The following DPYD variants were observed in gnomAD, a reference collection of about 807,000 sequenced individuals.
DPYD encodes dihydropyrimidine dehydrogenase, also known as dihydropyrimidine dehydrogenase [NADP(+)].
A neutral mutation model predicts 116.2 loss-of-function variants in DPYD; 109 were observed. The observed-to-expected ratio is 0.94, with a 90% CI of 0.80 to 1.10. The LOEUF (loss-of-function observed/expected upper bound fraction) is 1.10. Ranked by LOEUF, DPYD falls within the 50% of genes least tolerant of loss-of-function variation. The probability of loss-of-function intolerance (pLI) is 0.00; values close to 1 mark genes in which losing one functional copy is unlikely to be tolerated. For synonymous variants in DPYD, 440 were observed against 432.0 expected (o/e 1.02, Z -0.23); for missense variants, 1,302 against 1,254.5 (o/e 1.04, Z -0.57).
At chr1:97,842,526 A>G (rs776281786) in intron 2 of DPYD, among the ~76,000 whole-genome samples, 8 of 152,054 alleles carry the variant, frequency 5.3e-5, no homozygotes, top group Non-Finnish European at 1.0e-4. Flanking sequence ...AATGCTTTCT[A>G]CAATTCATAC....
intron 10 of DPYD, among the ~76,000 whole-genome samples, chr1:97,587,181 T>C (rs1460472185): frequency 6.6e-6 from 1 of 152,184 alleles, no homozygotes; most frequent in African/African-American, 2.4e-5. Context: ...TTGGAATGTG[T>C]CATCCCCCTG....
At chr1:97,846,273 T>G (rs530700772) in intron 2 of DPYD, among the ~76,000 whole-genome samples, 7 of 152,346 alleles carry the variant, frequency 4.6e-5, no homozygotes, top group Admixed American at 2.6e-4. Flanking sequence ...CCTTGCTCTA[T>G]GCATCTCCTC....
rs1662859478 is a variant in DPYD at position 97,720,454 on chromosome 1, T to C, written c.483+1056A>G. Reference sequence around the variant, plus strand: ...TGGTCAGGTAAGCCTAATGCAATTTTGAATTTGGTAAGAAAAGAAATTAAA... The same window carrying C: ...TGGTCAGGTAAGCCTAATGCAATTTCGAATTTGGTAAGAAAAGAAATTAAA... On this transcript the variant is annotated intron_variant, in intron 5 of 22. Coordinates refer to ENST00000370192, the MANE Select transcript of DPYD (RefSeq NM_000110.4). 8 of 991,084 alleles carry C rather than the reference T, an allele frequency of 8.1e-6. No homozygotes were observed. The South Asian group carries it at 3.7e-4, about 46-fold the overall frequency. The allele number at this position is 991,084 out of a possible 1,614,324, so 61.4% of individuals were successfully genotyped here.
intron 3 of DPYD, among the ~76,000 whole-genome samples, chr1:97,789,541 T>C (rs1030148683): frequency 3.9e-5 from 6 of 152,238 alleles, no homozygotes; most frequent in African/African-American, 1.4e-4. Context: ...AAATGAATTT[T>C]AGGCTTTCAC....
At chr1:97,282,561 T>C (rs1050069387) in intron 18 of DPYD, among the ~76,000 whole-genome samples, 6 of 152,132 alleles carry the variant, frequency 3.9e-5, no homozygotes, top group Admixed American at 1.3e-4. Context: ...ATTTTTAAAA[T>C]AAAATTCAAC....
intron 8 of DPYD, among the ~76,000 whole-genome samples, chr1:97,662,856 G>A (rs1659346066): frequency 6.6e-6 from 1 of 152,116 alleles, no homozygotes; most frequent in Non-Finnish European, 1.5e-5. Context: ...ATTCATTTCA[G>A]TGTGTGTGAA....
chr1:97,731,789 A>G (rs1663626887), intron 4 of DPYD, among the ~76,000 whole-genome samples: 1 of 151,964 alleles, frequency 6.6e-6, no homozygotes, highest in Non-Finnish European at 1.5e-5. Flanking sequence ...ATAGTATCCT[A>G]TGTGTTTCTT....
At position 97,662,355 on chromosome 1, in the gene DPYD, A is replaced by C. The variant is rs569340070; in HGVS notation, c.850+16740T>G. ...GTATTCATGAATACCAGCTGTGTAC[A>C]TCAAACAGCTGATATTAAAACACAG... On this transcript the variant is annotated intron_variant, in intron 8 of 22. Coordinates refer to ENST00000370192, the MANE Select transcript of DPYD (RefSeq NM_000110.4). Among the ~76,000 whole-genome samples the C allele has an allele frequency of 3.9e-3, 591 of 151,998 alleles. 7 individuals are homozygous for C. The highest frequency in any genetic ancestry group is 0.017 in the Middle Eastern group (5 of 294).
At chr1:97,492,344 C>A (rs548927300) in intron 13 of DPYD, among the ~76,000 whole-genome samples, 1 of 152,184 alleles carries the variant, frequency 6.6e-6, no homozygotes, top group Admixed American at 6.5e-5. Flanking sequence ...TGGTCCTTGT[C>A]AAAATATTTT....
chr1:97,660,262 C>T (rs919874235), intron 8 of DPYD, among the ~76,000 whole-genome samples: 1 of 151,864 alleles, frequency 6.6e-6, no homozygotes, highest in African/African-American at 2.4e-5. Context: ...TTTATATATG[C>T]TTGAAGGGGT....
At chr1:97,252,044 A>G (rs568972443) in intron 18 of DPYD, among the ~76,000 whole-genome samples, 11 of 152,100 alleles carry the variant, frequency 7.2e-5, no homozygotes, top group Non-Finnish European at 1.6e-4. Context: ...TGTTATTCCT[A>G]TTAAAACCTT....
chr1:97,248,206 C>T (rs1478777755), intron 18 of DPYD, among the ~76,000 whole-genome samples: 4 of 152,104 alleles, frequency 2.6e-5, no homozygotes, highest in African/African-American at 9.7e-5. Context: ...GTGTCCCCAC[C>T]CAAATCTCAT....
intron 3 of DPYD, among the ~76,000 whole-genome samples, chr1:97,768,701 T>C (rs1665995966): frequency 6.6e-6 from 1 of 152,160 alleles, no homozygotes; most frequent in South Asian, 2.1e-4. Flanking sequence ...GGCTAAAAAC[T>C]GATTTTCATG....
chr1:97,670,387 G>A (rs1278440051), intron 8 of DPYD, among the ~76,000 whole-genome samples: 1 of 152,156 alleles, frequency 6.6e-6, no homozygotes, highest in African/African-American at 2.4e-5. Flanking sequence ...ACTCATGAAG[G>A]TGGGGCCCCC....
At chr1:97,835,090 T>C (rs1223637723) in intron 2 of DPYD, among the ~76,000 whole-genome samples, 2 of 152,048 alleles carry the variant, frequency 1.3e-5, no homozygotes, top group Non-Finnish European at 2.9e-5. Flanking sequence ...GTGGCCAGCT[T>C]ACAATCAGGC....
chr1:97,874,666 G>A (rs1671818567), intron 2 of DPYD, among the ~76,000 whole-genome samples: 1 of 151,840 alleles, frequency 6.6e-6, no homozygotes, highest in Non-Finnish European at 1.5e-5. Context: ...CAGTTACTAG[G>A]ACTATTGTTC....
At chr1:97,571,856 A>T (rs1198615738) in intron 11 of DPYD, among the ~76,000 whole-genome samples, 2 of 151,994 alleles carry the variant, frequency 1.3e-5, no homozygotes, top group African/African-American at 4.8e-5. Context: ...AAATTCTAAC[A>T]AACACTGCTT....
intron 8 of DPYD, among the ~76,000 whole-genome samples, chr1:97,618,571 T>C (rs1656441246): frequency 6.6e-6 from 1 of 152,082 alleles, no homozygotes; most frequent in South Asian, 2.1e-4. Flanking sequence ...CAAGTTTCTA[T>C]AAAAGTTTCT....
chr1:97,424,805 A>AT (rs1674777084), intron 14 of DPYD, among the ~76,000 whole-genome samples: 1 of 151,944 alleles, frequency 6.6e-6, no homozygotes, highest in African/African-American at 2.4e-5. Flanking sequence ...TTGAAGGTTA[A>AT]TTTTTTCTCA....
Sources: allele counts gnomAD v4.1 joint callset (sites outside exome capture counted in the v4.1 genomes callset), GRCh38; gene constraint gnomAD v4.1.1; transcripts MANE v1.5; gene names NCBI Gene and HGNC (gene_info 2026-07-23, HGNC 2026-07-21).